The following OSBPL8 variants were observed in gnomAD, a reference collection of about 807,000 sequenced individuals.
The protein encoded by OSBPL8 is oxysterol-binding protein-related protein 8.
A neutral mutation model predicts 125.5 loss-of-function variants in OSBPL8; 59 were observed. That is an observed-to-expected ratio of 0.47 (90% CI 0.38 to 0.58). The LOEUF is 0.58. OSBPL8 is among the 20% of genes least tolerant of loss of function. OSBPL8 has a pLI of 0.00. For synonymous variants in OSBPL8, 330 were observed against 338.9 expected (o/e 0.97, Z 0.29); for missense variants, 758 against 1,047.8 (o/e 0.72, Z 3.82).
chr12:76,550,886 T>C (rs1024855980), intron 1 of OSBPL8, among the ~76,000 whole-genome samples: 1 of 152,078 alleles, frequency 6.6e-6, no homozygotes, highest in Non-Finnish European at 1.5e-5. Context: ...ATTCAGCCTA[T>C]GCAAAATAGC....
Position 76,488,581 on chromosome 12 carries a change from T to G in OSBPL8, c.-67-963A>C, listed in dbSNP as rs563687078. 3.3e-5 allele frequency among the ~76,000 whole-genome samples: 5 copies of G among 152,354 alleles called. No homozygotes were observed. In the South Asian group the frequency reaches 1.0e-3, roughly 32 times the overall value. ...TCAACCCTTTTCATTAAAGTATCTG[T>G]TCAGCAATCTGTGATCAATAATCCT... On this transcript the variant is annotated intron_variant, in intron 1 of 23. Coordinates refer to ENST00000261183, the MANE Select transcript of OSBPL8 (RefSeq NM_020841.5).
chr12:76,365,348 G>T (rs978095706), intron 21 of OSBPL8, among the ~76,000 whole-genome samples: 10 of 152,142 alleles, frequency 6.6e-5, no homozygotes, highest in Admixed American at 1.3e-4. Flanking sequence ...TTTCACTGTA[G>T]AAGTCTTCCA....
intron 4 of OSBPL8, among the ~76,000 whole-genome samples, chr12:76,443,870 A>G (rs768361015): frequency 1.3e-5 from 2 of 152,150 alleles, no homozygotes; most frequent in Non-Finnish European, 2.9e-5. Flanking sequence ...ATCAAAACAA[A>G]TACCATCCTC....
chr12:76,484,245 T>G (rs1382622798), intron 2 of OSBPL8, among the ~76,000 whole-genome samples: 1 of 152,188 alleles, frequency 6.6e-6, no homozygotes, highest in Non-Finnish European at 1.5e-5. Flanking sequence ...ATATTTAGCC[T>G]TGCCTCTTGC....
At chr12:76,494,086 C>G (rs746099316) in intron 1 of OSBPL8, among the ~76,000 whole-genome samples, 1 of 152,110 alleles carries the variant, frequency 6.6e-6, no homozygotes, top group South Asian at 2.1e-4. Context: ...CTGTAGTTCA[C>G]TGAGCTTCCT....
chr12:76,410,338 G>C (rs1296550112), intron 5 of OSBPL8, among the ~76,000 whole-genome samples: 1 of 152,020 alleles, frequency 6.6e-6, no homozygotes, highest in Non-Finnish European at 1.5e-5. Context: ...ACCAGAAACA[G>C]TATTACTCTG....
intron 1 of OSBPL8, among the ~76,000 whole-genome samples, chr12:76,500,104 G>A (rs112302900): frequency 3.9e-5 from 6 of 152,096 alleles, no homozygotes; most frequent in Non-Finnish European, 7.4e-5. Flanking sequence ...TGATCATGTC[G>A]ACTTAATATC....
chr12:76,355,676 A>G lies in OSBPL8; in HGVS notation c.*213T>C, dbSNP rs574145394. The G allele has an allele frequency of 1.2e-5, 6 of 502,570 alleles. No homozygotes were observed. Among genetic ancestry groups the G allele is most frequent in the African/African-American group, 1.2e-4 (6 of 50,808 alleles). The allele number at this position is 502,570 out of a possible 1,614,324, so 31.1% of individuals were successfully genotyped here. ...TCACAAAAGCTAGAAATGTCCTGGC[A>G]CTTAACACATAGCTCACTTTAATAA... On this transcript the variant is annotated 3_prime_UTR_variant, in exon 24 of 24. Coordinates refer to ENST00000261183, the MANE Select transcript of OSBPL8 (RefSeq NM_020841.5).
chr12:76,528,545 A>C lies in OSBPL8; in HGVS notation c.-68+30852T>G, dbSNP rs575577012. 1.5e-4 allele frequency among the ~76,000 whole-genome samples: 23 copies of C among 152,194 alleles called. No homozygotes were observed. In the South Asian group the frequency reaches 4.4e-3, roughly 29 times the overall value. On this transcript the variant is annotated intron_variant, in intron 1 of 23. Coordinates refer to ENST00000261183, the MANE Select transcript of OSBPL8 (RefSeq NM_020841.5). The stretch of plus-strand genomic sequence containing the variant: ...AGTCTTAATAACCAAATGCCTCTGC[A>C]ATGAAGTTAGTCATCACCCAAAAAG...
At chr12:76,434,198 C>G (rs541709744) in intron 4 of OSBPL8, among the ~76,000 whole-genome samples, 53 of 152,084 alleles carry the variant, frequency 3.5e-4, no homozygotes, top group Admixed American at 2.0e-3. Context: ...AGAAATAAGC[C>G]CACACATTAT....
intron 1 of OSBPL8, among the ~76,000 whole-genome samples, chr12:76,553,929 A>C (rs1951018915): frequency 7.1e-6 from 1 of 141,712 alleles, no homozygotes; most frequent in Non-Finnish European, 1.5e-5. Context: ...GTGAGCCAAG[A>C]TCACACTACT....
intron 1 of OSBPL8, among the ~76,000 whole-genome samples, chr12:76,554,977 T>C (rs1021990844): frequency 5.9e-5 from 9 of 152,156 alleles, no homozygotes; most frequent in Non-Finnish European, 1.2e-4. Context: ...CAAAGTATAA[T>C]GAAATTCTGA....
In OSBPL8 at chr12:76,378,538, GATA is replaced by G. The variant is rs1247671784; in HGVS notation, c.1640_1642del (p.Leu547del). The stretch of plus-strand genomic sequence containing the variant: ...CCGTGCTTCTCCCTCTAATATTGCA[GATA>G]ATGAGTTTCCTGAAATAAAATGTTG... On this transcript the variant is annotated inframe_deletion, in exon 16 of 24. Coordinates refer to ENST00000261183, the MANE Select transcript of OSBPL8 (RefSeq NM_020841.5). 3 of 1,589,492 alleles carry G rather than the reference GATA, an allele frequency of 1.9e-6. No homozygotes were observed. Among genetic ancestry groups the G allele is most frequent in the African/African-American group, 1.4e-5 (1 of 73,934 alleles).
rs192942470 is a variant in OSBPL8 at position 76,410,055 on chromosome 12, A to T, written c.288+509T>A. 4.4e-3 allele frequency among the ~76,000 whole-genome samples: 667 copies of T among 152,150 alleles called. 3 individuals are homozygous for T. The highest frequency in any genetic ancestry group is 0.021 in the Middle Eastern group (6 of 292). On this transcript the variant is annotated intron_variant, in intron 5 of 23. Coordinates refer to ENST00000261183, the MANE Select transcript of OSBPL8 (RefSeq NM_020841.5). ...CAAATCTGAATTTTCTTCAAGAAAAAAAATGCTTAACAGGCCTAAGAATGT... is the reference window on the plus strand; with the variant it reads ...CAAATCTGAATTTTCTTCAAGAAAATAAATGCTTAACAGGCCTAAGAATGT...
chr12:76,390,037 T>C (rs1264384379), intron 11 of OSBPL8: 4 of 422,228 alleles, frequency 9.5e-6, no homozygotes, highest in African/African-American at 6.2e-5. Context: ...GAACAATATA[T>C]ACAAGAGATC....
At chr12:76,434,645 A>G (rs1368785926) in intron 4 of OSBPL8, among the ~76,000 whole-genome samples, 10 of 152,198 alleles carry the variant, frequency 6.6e-5, no homozygotes, top group African/African-American at 4.8e-5. Flanking sequence ...ACTCAACTCA[A>G]TAACAAAAAT....
At chr12:76,495,169 C>A (rs1565943940) in intron 1 of OSBPL8, among the ~76,000 whole-genome samples, 1 of 152,102 alleles carries the variant, frequency 6.6e-6, no homozygotes, top group African/African-American at 2.4e-5. Context: ...ATAAAAAGGT[C>A]ATTACTAGTA....
chr12:76,509,787 T>C lies in OSBPL8; in HGVS notation c.-67-22169A>G, dbSNP rs191739757. Among the ~76,000 whole-genome samples, 268 of 152,164 alleles carry C rather than the reference T, an allele frequency of 1.8e-3. 1 individual carries two copies. The highest frequency in any genetic ancestry group is 6.3e-3 in the African/African-American group (260 of 41,490). ...CCCACTGTGTACAACTTTAGGAAGATGGATGAGGAAGACATGCAACAGGGG... is the reference window on the plus strand; with the variant it reads ...CCCACTGTGTACAACTTTAGGAAGACGGATGAGGAAGACATGCAACAGGGG... On this transcript the variant is annotated intron_variant, in intron 1 of 23. Transcript: ENST00000261183.
intron 4 of OSBPL8, among the ~76,000 whole-genome samples, chr12:76,446,708 C>T (rs888209597): frequency 1.3e-5 from 2 of 151,890 alleles, no homozygotes. Flanking sequence ...ATTATATCAG[C>T]GATCATGTGT....
Sources: gnomAD v4.1 joint callset for allele counts (sites outside exome capture counted in the v4.1 genomes callset) on GRCh38, gnomAD v4.1.1 for gene constraint, MANE v1.5 for transcripts, NCBI Gene and HGNC (gene_info 2026-07-23, HGNC 2026-07-21) for gene names.